MAPKAP1: variants seen among roughly 807,000 people sequenced by gnomAD.
The protein encoded by MAPKAP1 is target of rapamycin complex 2 subunit MAPKAP1.
A neutral mutation model predicts 65.7 loss-of-function variants in MAPKAP1; 20 were observed. That is an observed-to-expected ratio of 0.30 (90% CI 0.21 to 0.44). MAPKAP1 has a LOEUF of 0.44. MAPKAP1 is among the 20% of genes least tolerant of loss of function. MAPKAP1 has a pLI of 1.00. For missense variants in MAPKAP1, 423 were observed against 648.0 expected, an observed-to-expected ratio of 0.65 and a Z score of 3.77; for synonymous variants, 222 against 244.3, an observed-to-expected ratio of 0.91 and a Z score of 0.85.
At chr9:125,615,471 T>A (rs1220618504) in intron 4 of MAPKAP1, among the ~76,000 whole-genome samples, 1 of 146,520 alleles carries the variant, frequency 6.8e-6, no homozygotes, top group Non-Finnish European at 1.5e-5. Context: ...GGTGGGTGGA[T>A]CACCTGAGGT....
At chr9:125,616,352 T>A (rs1222314742) in intron 4 of MAPKAP1, among the ~76,000 whole-genome samples, 1 of 152,158 alleles carries the variant, frequency 6.6e-6, no homozygotes, top group Non-Finnish European at 1.5e-5. Context: ...AAAAGACTGA[T>A]AATTCAATAC....
chr9:125,657,581 T>C (rs1451190125), intron 4 of MAPKAP1, 70 bp downstream of exon 4: 6 of 1,361,694 alleles, frequency 4.4e-6, no homozygotes, highest in Non-Finnish European at 6.1e-6. Context: ...CTAAATCTAA[T>C]AATAATACCA....
At chr9:125,545,346 G>C (rs780790622) in intron 6 of MAPKAP1, among the ~76,000 whole-genome samples, 1 of 152,198 alleles carries the variant, frequency 6.6e-6, no homozygotes, top group African/African-American at 2.4e-5. Flanking sequence ...TTGCTCTGGC[G>C]CTAGGCCAGT....
At chr9:125,577,332 CG>C (rs1257139907) in intron 5 of MAPKAP1, among the ~76,000 whole-genome samples, 5 of 151,438 alleles carry the variant, frequency 3.3e-5, no homozygotes, top group African/African-American at 1.2e-4. Context: ...GCAGCCACCC[CG>C]TCTGGTAAGT....
At chr9:125,539,527 A>C (rs1370888921) in intron 7 of MAPKAP1, among the ~76,000 whole-genome samples, 1 of 152,228 alleles carries the variant, frequency 6.6e-6, no homozygotes, top group African/African-American at 2.4e-5. Context: ...GCCCAACATA[A>C]TGCTTCAGAA....
chr9:125,636,540 C>T (rs1462769462), intron 4 of MAPKAP1, among the ~76,000 whole-genome samples: 1 of 152,186 alleles, frequency 6.6e-6, no homozygotes, highest in Non-Finnish European at 1.5e-5. Flanking sequence ...CTAATAGTGC[C>T]AGAACAATCA....
At chr9:125,689,488 TA>T (rs754030576) in intron 1 of MAPKAP1, among the ~76,000 whole-genome samples, 15 of 127,018 alleles carry the variant, frequency 1.2e-4, no homozygotes, top group Non-Finnish European at 2.1e-4. Context: ...GGCTCACGCC[TA>T]TAATCCCTGC....
At chr9:125,478,495 G>C (rs1468135095) in intron 9 of MAPKAP1, among the ~76,000 whole-genome samples, 3 of 152,000 alleles carry the variant, frequency 2.0e-5, no homozygotes, top group South Asian at 4.2e-4. Context: ...ACCCAGCTAA[G>C]GTTTTTAAAT....
At chr9:125,563,515 T>A (rs1830954449) in intron 5 of MAPKAP1, among the ~76,000 whole-genome samples, 2 of 152,230 alleles carry the variant, frequency 1.3e-5, no homozygotes, top group Non-Finnish European at 2.9e-5. Flanking sequence ...TATTTCTGTA[T>A]ATCACTAATC....
intron 8 of MAPKAP1, among the ~76,000 whole-genome samples, chr9:125,499,922 G>T: frequency 6.6e-6 from 1 of 152,222 alleles, no homozygotes; most frequent in Non-Finnish European, 1.5e-5. Flanking sequence ...GGGAGGTCAA[G>T]GCTGCAGTGA....
chr9:125,506,172 G>T, intron 8 of MAPKAP1, 138 bp downstream of exon 8: 1 of 730,318 alleles, frequency 1.4e-6, no homozygotes, highest in Non-Finnish European at 2.4e-6. Context: ...ACTTTGGCAC[G>T]AAGACTGCAG....
chr9:125,448,789 G>A (rs1001880961), intron 10 of MAPKAP1, among the ~76,000 whole-genome samples: 2 of 152,128 alleles, frequency 1.3e-5, no homozygotes, highest in African/African-American at 2.4e-5. Flanking sequence ...TGGATCACCC[G>A]AGGTTAGGAG....
At chr9:125,628,747 T>C (rs1453453014) in intron 4 of MAPKAP1, among the ~76,000 whole-genome samples, 5 of 152,020 alleles carry the variant, frequency 3.3e-5, no homozygotes, top group Non-Finnish European at 7.4e-5. Context: ...AAAACTTCTG[T>C]GCAGCAAAGA....
At chr9:125,466,343 C>G (rs1396714660) in intron 10 of MAPKAP1, among the ~76,000 whole-genome samples, 1 of 152,102 alleles carries the variant, frequency 6.6e-6, no homozygotes, top group African/African-American at 2.4e-5. Flanking sequence ...AAAAGCACTG[C>G]CATAGGGGAC....
At chr9:125,637,401 TAA>T (rs34622116) in intron 4 of MAPKAP1, among the ~76,000 whole-genome samples, 40,317 of 148,892 alleles carry the variant, frequency 0.27, 6,479 homozygotes, top group Non-Finnish European at 0.37. Context: ...CCCTGTTTTC[TAA>T]AAAAAAAAAT....
intron 5 of MAPKAP1, among the ~76,000 whole-genome samples, chr9:125,584,144 C>T (rs1831709727): frequency 6.6e-6 from 1 of 152,116 alleles, no homozygotes; most frequent in Admixed American, 6.5e-5. Context: ...TCCTTGTTCC[C>T]ACTTCATGCA....
At chr9:125,550,936 C>T (rs1564553585) in intron 6 of MAPKAP1, among the ~76,000 whole-genome samples, 1 of 152,194 alleles carries the variant, frequency 6.6e-6, no homozygotes, top group Non-Finnish European at 1.5e-5. Context: ...TTCTTTTATT[C>T]CTTATTCTAT....
At chr9:125,670,501 TAAAA>T (rs1255709601) in intron 2 of MAPKAP1, among the ~76,000 whole-genome samples, 1 of 152,204 alleles carries the variant, frequency 6.6e-6, no homozygotes, top group South Asian at 2.1e-4. Flanking sequence ...AGTCAAATCT[TAAAA>T]AGAACAATTT....
intron 7 of MAPKAP1, among the ~76,000 whole-genome samples, chr9:125,516,556 T>C (rs1055165674): frequency 2.6e-5 from 4 of 152,198 alleles, no homozygotes; most frequent in Non-Finnish European, 2.9e-5. Context: ...CTCTCAATAT[T>C]ATCAGCTCAC....
Sources: gnomAD v4.1 joint callset for allele counts (sites outside exome capture counted in the v4.1 genomes callset) on GRCh38, gnomAD v4.1.1 for gene constraint, MANE v1.5 for transcripts, NCBI Gene and HGNC (gene_info 2026-07-23, HGNC 2026-07-21) for gene names.